The following CDON variants were observed in gnomAD, a reference collection of about 807,000 sequenced individuals.
The protein encoded by CDON is cell adhesion associated, oncogene regulated, also known as cell adhesion molecule-related/down-regulated by oncogenes.
CDON carries 73 observed loss-of-function variants against 120.9 expected under a neutral mutation model. The observed-to-expected ratio is 0.60, with a 90% CI of 0.50 to 0.73. The LOEUF is 0.73. Ranked by LOEUF, CDON falls within the 30% of genes least tolerant of loss-of-function variation. CDON has a pLI of 0.00. For synonymous variants in CDON, 566 were observed against 573.5 expected, an observed-to-expected ratio of 0.99 and a Z score of 0.19; for missense variants, 1,470 against 1,587.3, an observed-to-expected ratio of 0.93 and a Z score of 1.26.
rs886047955 is a variant in CDON at position 125,958,563 on chromosome 11, A to ATGTGTGTGTGTGTGTGTG, written c.*2378_*2379insCACACACACACACACACA. The stretch of plus-strand genomic sequence containing the variant: ...TAAAGGCAATTATATATATATATAT[A>ATGTGTGTGTGTGTGTGTG]TATGTGTGTGTGTGTGTGTGTGTGT... On this transcript the variant is annotated 3_prime_UTR_variant, in exon 20 of 20. Coordinates refer to ENST00000531738, the MANE Select transcript of CDON (RefSeq NM_001378964.1). 1.7e-4 allele frequency: 16 copies of ATGTGTGTGTGTGTGTGTG among 94,882 alleles called. No individual in the cohort carries two copies. The highest frequency in any genetic ancestry group is 6.5e-4 in the South Asian group (2 of 3,060). 5.9% of individuals were successfully genotyped at this position (94,882 alleles called of 1,614,324 possible).
chr11:126,021,353 G>A lies in CDON; in HGVS notation c.244C>T (p.Leu82=), dbSNP rs552008016. 1.5e-4 allele frequency: 239 copies of A among 1,614,130 alleles called. 3 individuals carry two copies. In the South Asian group the frequency reaches 2.5e-3, roughly 17 times the overall value. ...LEHVKIHQGT[L]TILSLNSSLL... ...GAGGAGTTGAGAGAAAGAATTGTCA[G>A]AGTCCCCTGATGAATCTTAACATGT... Residue 82 remains leucine, a synonymous_variant, in exon 3 of 20, where the codon CTG becomes TTG. Coordinates refer to ENST00000531738, the MANE Select transcript of CDON (RefSeq NM_001378964.1).
At chr11:126,000,103 CA>C (rs1242056288) in intron 11 of CDON, among the ~76,000 whole-genome samples, 2 of 152,178 alleles carry the variant, frequency 1.3e-5, no homozygotes, top group African/African-American at 4.8e-5. Flanking sequence ...CCCATAACAC[CA>C]AGGGTATAAT....
chr11:125,972,924 CCTGCAGTGTTCTCTGCCTCAGTGA>C (rs1946043207), intron 18 of CDON, among the ~76,000 whole-genome samples: 1 of 151,646 alleles, frequency 6.6e-6, no homozygotes, highest in Middle Eastern at 3.4e-3. Context: ...CTCTTCATCT[CCTGCAGTGTTCTCTGCCTCAGTGA>C]CTGCGCCCAG....
In CDON at chr11:125,957,140, C is replaced by A. The variant is rs1463879488; in HGVS notation, c.*3802G>T. On this transcript the variant is annotated 3_prime_UTR_variant, in exon 20 of 20. Transcript: ENST00000531738. The stretch of plus-strand genomic sequence containing the variant: ...GACCGCTCCTCCTCATCCTCCCAAG[C>A]TCCTCTCCTACCCACCTCCCTTCCC... 6.6e-6 allele frequency: 1 copy of A among 152,616 alleles called. No homozygotes were observed. Among genetic ancestry groups the A allele is most frequent in the African/African-American group, 2.4e-5 (1 of 41,436 alleles). The allele number at this position is 152,616 out of a possible 1,614,324, so 9.5% of individuals were successfully genotyped here.
chr11:126,006,914 T>C (rs1165699613), intron 8 of CDON, among the ~76,000 whole-genome samples: 2 of 152,126 alleles, frequency 1.3e-5, no homozygotes, highest in Admixed American at 6.5e-5. Context: ...CTTAGGTAGA[T>C]GGTAATACTC....
At chr11:126,005,195 G>C (rs1306117857) in intron 9 of CDON, among the ~76,000 whole-genome samples, 1 of 152,022 alleles carries the variant, frequency 6.6e-6, no homozygotes, top group Non-Finnish European at 1.5e-5. Flanking sequence ...CCAGCTACTT[G>C]GGAGGCTAAG....
At chr11:126,050,669 G>A (rs1310616076) in intron 1 of CDON, among the ~76,000 whole-genome samples, 1 of 152,094 alleles carries the variant, frequency 6.6e-6, no homozygotes, top group Admixed American at 6.6e-5. Flanking sequence ...AACAAGATTT[G>A]TAATTGCCGA....
At chr11:126,061,737 T>G (rs907167371) in intron 1 of CDON, among the ~76,000 whole-genome samples, 1 of 152,256 alleles carries the variant, frequency 6.6e-6, no homozygotes, top group Non-Finnish European at 1.5e-5. Flanking sequence ...ACACAAAGGC[T>G]GACTTTCTGT....
intron 15 of CDON, among the ~76,000 whole-genome samples, chr11:125,986,961 C>T (rs906072345): frequency 1.3e-5 from 2 of 152,128 alleles, no homozygotes; most frequent in African/African-American, 4.8e-5. Flanking sequence ...GAAATTTCTA[C>T]TTGAGGTGGT....
chr11:126,029,612 G>A (rs941720014), intron 1 of CDON, among the ~76,000 whole-genome samples: 1 of 152,010 alleles, frequency 6.6e-6, no homozygotes, highest in African/African-American at 2.4e-5. Flanking sequence ...AATAAAATCA[G>A]TGAAGAGGTT....
chr11:126,011,669 T>C (rs548498472), intron 7 of CDON, among the ~76,000 whole-genome samples: 1 of 152,340 alleles, frequency 6.6e-6, no homozygotes, highest in East Asian at 1.9e-4. Context: ...CCTAATGTAC[T>C]GCTTTTCTTT....
intron 14 of CDON, 148 bp downstream of exon 14, chr11:125,994,136 G>A: frequency 4.5e-6 from 3 of 667,020 alleles, no homozygotes. Context: ...GCGGGAAAAG[G>A]TGGCTTTCTT....
rs1220174949 is a variant in CDON, at chr11:126,062,780, G to A, written c.-263C>T. 2 of 151,870 alleles carry A rather than the reference G, an allele frequency of 1.3e-5. No individual in the cohort carries two copies. The highest frequency in any genetic ancestry group is 4.8e-5 in the African/African-American group (2 of 41,300). 9.4% of individuals were successfully genotyped at this position (151,870 alleles called of 1,614,324 possible). On this transcript the variant is annotated 5_prime_UTR_variant, in exon 1 of 20. Transcript: ENST00000531738. ...CGGGGCTGGGGCGCTGGGCAGGGCG[G>A]GCGGGCGTGGGGTCCCGGGTCTCCT...
At position 126,034,862 on chromosome 11, in the gene CDON, T is replaced by C. The variant is rs369266516; in HGVS notation, c.-61-11325A>G. On this transcript the variant is annotated intron_variant, in intron 1 of 19. Coordinates refer to ENST00000531738, the MANE Select transcript of CDON (RefSeq NM_001378964.1). The surrounding 1 kb of genome is among the most constrained non-coding windows in gnomAD (Gnocchi z 4.5). ...CTGGAATTGGCTTTATGGGAAAAAATAACCGTTATGGTAACCACAAAACAA... is the reference window on the plus strand; with the variant it reads ...CTGGAATTGGCTTTATGGGAAAAAACAACCGTTATGGTAACCACAAAACAA... Among the ~76,000 whole-genome samples, 91 of 152,270 alleles carry C rather than the reference T, an allele frequency of 6.0e-4. No homozygotes were observed. The highest frequency in any genetic ancestry group is 2.1e-3 in the African/African-American group (87 of 41,562).
chr11:126,007,257 C>T (rs564797619), intron 8 of CDON, among the ~76,000 whole-genome samples: 1 of 152,336 alleles, frequency 6.6e-6, no homozygotes, highest in South Asian at 2.1e-4. Context: ...AGAGAACCAA[C>T]AGAAAACAGG....
intron 1 of CDON, among the ~76,000 whole-genome samples, chr11:126,035,343 A>C (rs1205660020): frequency 6.6e-6 from 1 of 152,240 alleles, no homozygotes; most frequent in African/African-American, 2.4e-5. Context: ...TGACTTTTAC[A>C]TTATCTTACC....
intron 18 of CDON, among the ~76,000 whole-genome samples, chr11:125,969,359 C>G (rs1945894900): frequency 6.6e-6 from 1 of 152,258 alleles, no homozygotes; most frequent in South Asian, 2.1e-4. Context: ...ATTAGATGAT[C>G]ACAAAAATCA....
intron 7 of CDON, 23 bp from the exon 8 acceptor site, chr11:126,010,717 A>G: frequency 6.3e-7 from 1 of 1,586,862 alleles, no homozygotes; most frequent in Non-Finnish European, 8.7e-7. Context: ...TAATTCACAT[A>G]TGAAAAATGA....
At chr11:125,965,168 C>G (rs576480594) in intron 18 of CDON, among the ~76,000 whole-genome samples, 1 of 152,146 alleles carries the variant, frequency 6.6e-6, no homozygotes, top group African/African-American at 2.4e-5. Flanking sequence ...TGAGTTCAGG[C>G]AATCCACCCG....
Sources: allele counts gnomAD v4.1 joint callset (sites outside exome capture counted in the v4.1 genomes callset), GRCh38; gene constraint gnomAD v4.1.1; non-coding constraint Gnocchi (gnomAD v3.1); transcripts MANE v1.5; gene names NCBI Gene and HGNC (gene_info 2026-07-23, HGNC 2026-07-21).